The following IQCM variants were observed in gnomAD, a reference collection of about 807,000 sequenced individuals.
IQCM encodes the protein IQ domain-containing protein M.
Under a neutral mutation model 57.6 loss-of-function variants are expected in IQCM, and 45 were observed. The observed-to-expected ratio is 0.78, with a 90% CI of 0.62 to 1.00. IQCM has a LOEUF of 1.00. Among genes scored for constraint, IQCM ranks in the 50% least tolerant of loss-of-function variants. The probability of loss-of-function intolerance (pLI) is 0.00; values close to 1 mark genes in which losing one functional copy is unlikely to be tolerated. For synonymous variants in IQCM, 148 were observed against 158.9 expected, an observed-to-expected ratio of 0.93 and a Z score of 0.51; for missense variants, 468 against 511.6, an observed-to-expected ratio of 0.91 and a Z score of 0.82.
At chr4:149,390,465 G>T (rs1731771972) in intron 13 of IQCM, among the ~76,000 whole-genome samples, 1 of 150,842 alleles carries the variant, frequency 6.6e-6, no homozygotes. Flanking sequence ...GTGCAATGTT[G>T]AATGGTAGCA....
intron 7 of IQCM, among the ~76,000 whole-genome samples, chr4:149,661,914 G>T (rs1215192691): frequency 1.3e-5 from 2 of 151,868 alleles, no homozygotes; most frequent in African/African-American, 4.8e-5. Flanking sequence ...TTGATCTTTT[G>T]AATGGTTTTC....
At chr4:149,735,187 A>G (rs76962487) in intron 4 of IQCM, among the ~76,000 whole-genome samples, 189 bp downstream of exon 4, 1 of 152,332 alleles carries the variant, frequency 6.6e-6, no homozygotes, top group Admixed American at 6.5e-5. Context: ...CATACAACTA[A>G]AAAATCTTAT....
intron 9 of IQCM, among the ~76,000 whole-genome samples, chr4:149,572,170 T>C (rs1319223721): frequency 1.3e-5 from 2 of 152,092 alleles, no homozygotes; most frequent in Non-Finnish European, 2.9e-5. Context: ...ATAGTAATAA[T>C]GTGCAGACAA....
At chr4:149,732,279 T>C (rs1580151106) in intron 5 of IQCM, among the ~76,000 whole-genome samples, 2 of 152,310 alleles carry the variant, frequency 1.3e-5, no homozygotes, top group South Asian at 4.1e-4. Context: ...ATCATATTCT[T>C]ACATCCTTCA....
chr4:149,507,547 C>A (rs1283959593), intron 12 of IQCM, among the ~76,000 whole-genome samples: 1 of 152,066 alleles, frequency 6.6e-6, no homozygotes, highest in African/African-American at 2.4e-5. Context: ...TTGCCCCTGC[C>A]CTAGAGATTT....
intron 7 of IQCM, among the ~76,000 whole-genome samples, chr4:149,641,189 A>C (rs1048066485): frequency 2.0e-5 from 3 of 152,226 alleles, no homozygotes; most frequent in African/African-American, 7.2e-5. Context: ...AGAAAACAAA[A>C]CAACAGAAAA....
chr4:149,580,319 A>C (rs1752060638), intron 9 of IQCM, among the ~76,000 whole-genome samples: 1 of 151,862 alleles, frequency 6.6e-6, no homozygotes. Flanking sequence ...CACTTTAAAA[A>C]AGAAAAGAAT....
intron 7 of IQCM, among the ~76,000 whole-genome samples, chr4:149,676,433 A>T (rs1016802977): frequency 6.6e-6 from 1 of 152,108 alleles, no homozygotes; most frequent in Non-Finnish European, 1.5e-5. Context: ...ATATGAATGT[A>T]GGAAGTTGCG....
At chr4:149,717,079 T>A (rs1765066182) in intron 5 of IQCM, among the ~76,000 whole-genome samples, 1 of 152,172 alleles carries the variant, frequency 6.6e-6, no homozygotes, top group Admixed American at 6.5e-5. Flanking sequence ...TTTTATTATA[T>A]CCTTTATCAA....
At chr4:149,472,848 C>A (rs1739730541) in intron 12 of IQCM, among the ~76,000 whole-genome samples, 1 of 151,746 alleles carries the variant, frequency 6.6e-6, no homozygotes, top group Admixed American at 6.6e-5. Context: ...CTTTGACAAA[C>A]CTGACAAAAA....
intron 2 of IQCM, chr4:149,790,096 A>G (rs1772452479): frequency 1.5e-6 from 1 of 669,824 alleles, no homozygotes; most frequent in Non-Finnish European, 2.4e-6. Context: ...CATCCTCACC[A>G]TTAAAAAAAG....
At chr4:149,689,580 G>A (rs914061784) in intron 5 of IQCM, among the ~76,000 whole-genome samples, 1 of 151,872 alleles carries the variant, frequency 6.6e-6, no homozygotes, top group Non-Finnish European at 1.5e-5. Context: ...TAAATATTTG[G>A]GACTTAATTA....
At chr4:149,634,699 T>C (rs1274116945) in intron 7 of IQCM, among the ~76,000 whole-genome samples, 1 of 152,212 alleles carries the variant, frequency 6.6e-6, no homozygotes, top group East Asian at 1.9e-4. Flanking sequence ...CCATCTGCCT[T>C]TGAATGAAGC....
intron 2 of IQCM, among the ~76,000 whole-genome samples, chr4:149,757,114 C>A (rs1384395087): frequency 6.6e-6 from 1 of 151,834 alleles, no homozygotes; most frequent in African/African-American, 2.4e-5. Flanking sequence ...AAAAATTAGC[C>A]GGGCATGGTG....
intron 2 of IQCM, among the ~76,000 whole-genome samples, chr4:149,801,497 C>T (rs1164614115): frequency 6.6e-6 from 1 of 151,934 alleles, no homozygotes; most frequent in African/African-American, 2.4e-5. Flanking sequence ...ACTTAAGTAT[C>T]TATCAACAGT....
chr4:149,387,751 C>T (rs891191405), intron 13 of IQCM, among the ~76,000 whole-genome samples: 10 of 151,820 alleles, frequency 6.6e-5, no homozygotes, highest in South Asian at 2.1e-4. Flanking sequence ...TTAGTACATT[C>T]GAAATTGTGC....
intron 12 of IQCM, among the ~76,000 whole-genome samples, chr4:149,538,439 C>CA (rs1411717548): frequency 6.6e-6 from 1 of 151,424 alleles, no homozygotes; most frequent in Non-Finnish European, 1.5e-5. Flanking sequence ...AGTATACATA[C>CA]AAAATGCAAA....
At chr4:149,360,978 C>A (rs1729438908) in intron 13 of IQCM, among the ~76,000 whole-genome samples, 1 of 152,166 alleles carries the variant, frequency 6.6e-6, no homozygotes, top group Non-Finnish European at 1.5e-5. Flanking sequence ...TGTTGAATGG[C>A]TTTGCCCAAA....
chr4:149,707,610 A>T (rs1764254594), intron 5 of IQCM, among the ~76,000 whole-genome samples: 1 of 151,926 alleles, frequency 6.6e-6, no homozygotes, highest in African/African-American at 2.4e-5. Context: ...CTCAACTCTA[A>T]CACAAATCTA....
Sources: allele counts gnomAD v4.1 joint callset (sites outside exome capture counted in the v4.1 genomes callset), GRCh38; gene constraint gnomAD v4.1.1; transcripts MANE v1.5; gene names NCBI Gene and HGNC (gene_info 2026-07-23, HGNC 2026-07-21).